Variants in DIAPH3 observed in about 807,000 individuals in gnomAD.
DIAPH3 encodes protein diaphanous homolog 3.
A neutral mutation model predicts 144.3 loss-of-function variants in DIAPH3; 117 were observed. That is an observed-to-expected ratio of 0.81 (90% CI 0.70 to 0.95). DIAPH3 has a LOEUF of 0.95. Among genes scored for constraint, DIAPH3 ranks in the 40% least tolerant of loss-of-function variants. The pLI, the probability that DIAPH3 is intolerant of heterozygous loss-of-function variation, is 0.00. For synonymous variants in DIAPH3, 519 were observed against 488.9 expected, an observed-to-expected ratio of 1.06 and a Z score of -0.81; for missense variants, 1,421 against 1,412.7, an observed-to-expected ratio of 1.01 and a Z score of -0.09.
intron 17 of DIAPH3, among the ~76,000 whole-genome samples, chr13:59,940,710 C>A (rs1036603684): frequency 2.6e-5 from 4 of 152,020 alleles, no homozygotes; most frequent in African/African-American, 9.7e-5. Flanking sequence ...TAAAAAAAAT[C>A]TCCAATAAGA....
intron 21 of DIAPH3, among the ~76,000 whole-genome samples, chr13:59,875,229 T>C (rs936666687): frequency 2.0e-5 from 3 of 152,178 alleles, no homozygotes; most frequent in African/African-American, 7.2e-5. Context: ...CTCTCAAAAT[T>C]AATATGATGT....
At chr13:60,090,271 T>C (rs947529369) in intron 4 of DIAPH3, among the ~76,000 whole-genome samples, 1 of 152,178 alleles carries the variant, frequency 6.6e-6, no homozygotes, top group Non-Finnish European at 1.5e-5. Context: ...CTTAATAAAA[T>C]TGTAATCATT....
chr13:59,987,102 T>C (rs1005217803), intron 12 of DIAPH3, among the ~76,000 whole-genome samples: 4 of 151,876 alleles, frequency 2.6e-5, no homozygotes, highest in African/African-American at 9.7e-5. Flanking sequence ...TAGACTGGAT[T>C]AAGAAAATGT....
intron 1 of DIAPH3, among the ~76,000 whole-genome samples, chr13:60,161,345 G>C (rs1049739678): frequency 1.3e-5 from 2 of 152,174 alleles, no homozygotes; most frequent in African/African-American, 4.8e-5. Flanking sequence ...TGGGAACTTT[G>C]ATGGTCTCAA....
At chr13:60,097,064 G>A (rs1261049260) in intron 3 of DIAPH3, among the ~76,000 whole-genome samples, 1 of 152,058 alleles carries the variant, frequency 6.6e-6, no homozygotes, top group African/African-American at 2.4e-5. Flanking sequence ...TGGAATTAAG[G>A]GAGAAACCCA....
intron 25 of DIAPH3, among the ~76,000 whole-genome samples, chr13:59,802,170 T>A (rs781226494): frequency 1.3e-5 from 2 of 152,206 alleles, no homozygotes; most frequent in African/African-American, 4.8e-5. Flanking sequence ...TTGAAAGATA[T>A]ACAAACAATA....
chr13:59,916,350 A>C, intron 18 of DIAPH3, 101 bp from the exon 19 acceptor site: 2 of 909,122 alleles, frequency 2.2e-6, no homozygotes, highest in Admixed American at 2.0e-5. Flanking sequence ...TCATAAAACA[A>C]GAGAATTCAA....
At chr13:59,758,666 G>C (rs138558986) in intron 27 of DIAPH3, among the ~76,000 whole-genome samples, 184 of 152,252 alleles carry the variant, frequency 1.2e-3, no homozygotes, top group African/African-American at 4.2e-3. Context: ...AGAAGCTAGG[G>C]AGTATATGGG....
chr13:60,010,505 A>G, intron 8 of DIAPH3, 28 bp downstream of exon 8: 1 of 1,542,032 alleles, frequency 6.5e-7, no homozygotes, highest in Non-Finnish European at 8.8e-7. Flanking sequence ...TTATTATATA[A>G]TTAGGGGAAT....
chr13:60,160,877 T>A (rs1952258649), intron 1 of DIAPH3, among the ~76,000 whole-genome samples: 1 of 152,220 alleles, frequency 6.6e-6, no homozygotes, highest in Non-Finnish European at 1.5e-5. Flanking sequence ...TTTATACTTA[T>A]CTATGGGAAG....
chr13:59,908,038 A>G (rs1015180245), intron 20 of DIAPH3, among the ~76,000 whole-genome samples: 1 of 152,162 alleles, frequency 6.6e-6, no homozygotes, highest in African/African-American at 2.4e-5. Context: ...TACAGGATAT[A>G]GAGCCCTAGA....
At chr13:59,876,023 C>A (rs920733947) in intron 21 of DIAPH3, among the ~76,000 whole-genome samples, 1 of 151,914 alleles carries the variant, frequency 6.6e-6, no homozygotes, top group Non-Finnish European at 1.5e-5. Context: ...GAGTTAAATT[C>A]GTAAAGGGCA....
At chr13:59,896,380 C>T (rs770767319) in intron 20 of DIAPH3, among the ~76,000 whole-genome samples, 24 of 152,252 alleles carry the variant, frequency 1.6e-4, no homozygotes, top group Admixed American at 9.2e-4. Flanking sequence ...CCTCTCTCCC[C>T]GCTCCCTTTA....
At chr13:59,882,339 T>C (rs980816365) in intron 20 of DIAPH3, among the ~76,000 whole-genome samples, 8 of 152,086 alleles carry the variant, frequency 5.3e-5, no homozygotes, top group African/African-American at 1.9e-4. Context: ...ATCCACCCAC[T>C]TGGGCTTCCC....
chr13:59,825,265 C>T (rs897484590), intron 24 of DIAPH3, among the ~76,000 whole-genome samples: 3 of 152,034 alleles, frequency 2.0e-5, no homozygotes, highest in Non-Finnish European at 4.4e-5. Flanking sequence ...TCAATTCCCA[C>T]CTACGAGTGA....
intron 2 of DIAPH3, among the ~76,000 whole-genome samples, chr13:60,114,495 G>A (rs1402523794): frequency 6.6e-6 from 1 of 152,068 alleles, no homozygotes; most frequent in Non-Finnish European, 1.5e-5. Flanking sequence ...AAGTGTAACT[G>A]GGGTCCAGAA....
intron 24 of DIAPH3, among the ~76,000 whole-genome samples, chr13:59,822,799 T>A (rs2041146181): frequency 6.6e-6 from 1 of 152,156 alleles, no homozygotes; most frequent in Non-Finnish European, 1.5e-5. Flanking sequence ...TTAACATGTA[T>A]CCTCTCCTTC....
At chr13:59,951,696 C>T (rs2049108218) in intron 17 of DIAPH3, among the ~76,000 whole-genome samples, 1 of 152,076 alleles carries the variant, frequency 6.6e-6, no homozygotes, top group Admixed American at 6.6e-5. Flanking sequence ...TTTATAAAAG[C>T]ATCACTTTCA....
At position 60,008,618 on chromosome 13, in the gene DIAPH3, C is replaced by T. The variant is rs200055625; in HGVS notation, c.940G>A (p.Ala314Thr). The T allele has an allele frequency of 7.9e-5, 127 of 1,613,508 alleles. No homozygotes were observed. Among genetic ancestry groups the T allele is most frequent in the Non-Finnish European group, 9.4e-5 (111 of 1,179,794 alleles). The change falls in exon 9 of 28, where the codon GCT (alanine) becomes ACT (threonine). Residue 314 changes from alanine (A) to threonine (T), a missense_variant. Coordinates refer to ENST00000400324, the MANE Select transcript of DIAPH3 (RefSeq NM_001042517.2). ...CTGTCAATTTTTTTTTCTTCACCAG[C>T]TGAAGTTAAAGCTTCTAAAACTTCT... ...LEEVLEALTS[A>T]GEEKKIDRFF...
Sources: allele counts gnomAD v4.1 joint callset (sites outside exome capture counted in the v4.1 genomes callset), GRCh38; gene constraint gnomAD v4.1.1; transcripts MANE v1.5; gene names NCBI Gene and HGNC (gene_info 2026-07-23, HGNC 2026-07-21).